The following MS4A14 variants were observed in gnomAD, a reference collection of about 807,000 sequenced individuals.
The protein encoded by MS4A14 is membrane spanning 4-domains A14, also known as membrane-spanning 4-domains subfamily A member 14.
In MS4A14, 18 loss-of-function variants were observed where a neutral mutation model predicts 16.7. That is an observed-to-expected ratio of 1.08 (90% CI 0.75 to 1.60). MS4A14 has a LOEUF of 1.60. Among genes scored for constraint, MS4A14 ranks in the 40% most tolerant of loss-of-function variants. The pLI is 0.00. For synonymous variants in MS4A14, 305 were observed against 289.4 expected, an observed-to-expected ratio of 1.05 and a Z score of -0.55; for missense variants, 812 against 775.3, an observed-to-expected ratio of 1.05 and a Z score of -0.56.
chr11:60,415,020 A>G (rs2085917842), intron 4 of MS4A14, among the ~76,000 whole-genome samples: 1 of 151,900 alleles, frequency 6.6e-6, no homozygotes, highest in African/African-American at 2.4e-5. Context: ...ATGTTGATGT[A>G]CAGATAGTTG....
At position 60,408,038 on chromosome 11, in the gene MS4A14, G is replaced by C. The variant is rs114003977; in HGVS notation, c.468+4977G>C. 5.3e-3 allele frequency among the ~76,000 whole-genome samples: 808 copies of C among 152,196 alleles called. 1 individual carries two copies. Among genetic ancestry groups the C allele is most frequent in the African/African-American group, 0.018 (765 of 41,538 alleles). On this transcript the variant is annotated intron_variant, in intron 4 of 4. Coordinates refer to ENST00000300187, the MANE Select transcript of MS4A14 (RefSeq NM_032597.5). Reference sequence around the variant, plus strand: ...TTTTAGCTTTTGTGTTTAGATGTATGGTCTATCTTAACTTTCATGTACAGT... The same window carrying C: ...TTTTAGCTTTTGTGTTTAGATGTATCGTCTATCTTAACTTTCATGTACAGT...
At position 60,405,867 on chromosome 11, in the gene MS4A14, T is replaced by C. The variant is rs1311241211; in HGVS notation, c.468+2806T>C. The C allele has an allele frequency of 2.7e-6, 4 of 1,478,958 alleles. No homozygotes were observed. The South Asian group carries it at 4.8e-5, about 18-fold the overall frequency. 91.6% of individuals were successfully genotyped at this position (1,478,958 alleles called of 1,614,324 possible). A position where few individuals can be genotyped will look rare whatever the true frequency, so the allele number is the denominator to read the frequency against. On this transcript the variant is annotated intron_variant, in intron 4 of 4. Coordinates refer to ENST00000300187, the MANE Select transcript of MS4A14 (RefSeq NM_032597.5). ...AACAGCTCTCATTTCAAATACCATT[T>C]ATTTCTCCTCATTATTTGCAGGGAA... is the stretch of plus-strand genomic sequence containing the variant.
intron 4 of MS4A14, among the ~76,000 whole-genome samples, chr11:60,404,231 T>C (rs2085755447): frequency 6.6e-6 from 1 of 152,246 alleles, no homozygotes; most frequent in Non-Finnish European, 1.5e-5. Flanking sequence ...ATTGCAAGAT[T>C]AGTTACCTGC....
At chr11:60,403,223 A>G in intron 4 of MS4A14, 162 bp downstream of exon 4, 1 of 723,430 alleles carries the variant, frequency 1.4e-6, no homozygotes, top group South Asian at 1.7e-5. Flanking sequence ...ATGGTTAAGG[A>G]GCGATATTTT....
intron 2 of MS4A14, 52 bp downstream of exon 2, chr11:60,398,032 G>T: frequency 6.3e-7 from 1 of 1,593,916 alleles, no homozygotes; most frequent in South Asian, 1.1e-5. Flanking sequence ...AGATAGATTT[G>T]AACTGCTTCA....
Position 60,396,728 on chromosome 11 carries a change from C to A in MS4A14, c.138+12C>A. The A allele has an allele frequency of 6.2e-7, 1 of 1,612,116 alleles. No homozygotes were observed. Among genetic ancestry groups the A allele is most frequent in the Non-Finnish European group, 8.5e-7 (1 of 1,179,146 alleles). ...CAAGAGTCTTGGGGGTAAGTCCTCT[C>A]CAGTCAATAGGTCTTCCAGAAGGGG... On this transcript the variant is annotated intron_variant, in intron 1 of 4. Transcript: ENST00000300187.
chr11:60,399,291 G>A (rs2085675679), intron 2 of MS4A14, among the ~76,000 whole-genome samples: 2 of 152,212 alleles, frequency 1.3e-5, no homozygotes, highest in Admixed American at 6.5e-5. Context: ...GGTCAGGCAA[G>A]TGCTTTCTGC....
rs73479182 is a variant in MS4A14, at chr11:60,399,047, C to T, written c.267+1067C>T. ...AAAGATATTTACTGAGCACATACCG[C>T]GTCTTCAATGGCATCCTAGGTGCTG... is the stretch of plus-strand genomic sequence containing the variant. On this transcript the variant is annotated intron_variant, in intron 2 of 4. Transcript: ENST00000300187. 2.7e-3 allele frequency among the ~76,000 whole-genome samples: 414 copies of T among 152,286 alleles called. 2 individuals carry two copies. The highest frequency in any genetic ancestry group is 9.4e-3 in the African/African-American group (392 of 41,552).
At position 60,417,685 on chromosome 11, in the gene MS4A14, C is replaced by T. The variant is rs1478437700; in HGVS notation, c.*677C>T. On this transcript the variant is annotated 3_prime_UTR_variant, in exon 5 of 5. Coordinates refer to ENST00000300187, the MANE Select transcript of MS4A14 (RefSeq NM_032597.5). ...TACTTAAAATAAAATGACAACAAAC[C>T]AAATGTTAACACTGTATCATCACTT... 6.6e-6 allele frequency: 1 copy of T among 151,876 alleles called. No individual in the cohort carries two copies. Among genetic ancestry groups the T allele is most frequent in the African/African-American group, 2.4e-5 (1 of 41,186 alleles). 9.4% of individuals were successfully genotyped at this position (151,876 alleles called of 1,614,324 possible).
intron 4 of MS4A14, among the ~76,000 whole-genome samples, chr11:60,414,309 A>C (rs988652049): frequency 6.6e-6 from 1 of 152,160 alleles, no homozygotes; most frequent in South Asian, 2.1e-4. Context: ...CAATAGGGAT[A>C]AAATATAGGT....
intron 3 of MS4A14, among the ~76,000 whole-genome samples, chr11:60,401,253 T>C (rs762333631): frequency 6.6e-6 from 1 of 152,226 alleles, no homozygotes; most frequent in Non-Finnish European, 1.5e-5. Flanking sequence ...TCTCTGAAAG[T>C]CAGTTGAACT....
rs567392774 is a variant in MS4A14 at position 60,396,954 on chromosome 11, C to T, written c.138+238C>T. Among the ~76,000 whole-genome samples, 10 of 152,284 alleles carry T rather than the reference C, an allele frequency of 6.6e-5. No homozygotes were observed. In the East Asian group the frequency reaches 1.9e-3, roughly 29 times the overall value. On this transcript the variant is annotated intron_variant, in intron 1 of 4. Coordinates refer to ENST00000300187, the MANE Select transcript of MS4A14 (RefSeq NM_032597.5). The stretch of plus-strand genomic sequence containing the variant: ...AGGAAGTGACTTCAGGGTGTGGTGG[C>T]ACCTCCCTTGAAGCTAAGAAACCAT...
intron 1 of MS4A14, 31 bp downstream of exon 1, chr11:60,396,747 G>A (rs756021858): frequency 1.4e-4 from 217 of 1,598,958 alleles, no homozygotes; most frequent in Non-Finnish European, 1.8e-4. Flanking sequence ...AGGTCTTCCA[G>A]AAGGGGAGAA....
At position 60,416,349 on chromosome 11, in the gene MS4A14, A is replaced by T; in HGVS notation, c.1381A>T (p.Arg461Ter). 2 of 1,613,988 alleles carry T rather than the reference A, an allele frequency of 1.2e-6. No homozygotes were observed. The highest frequency in any genetic ancestry group is 1.7e-6 in the Non-Finnish European group (2 of 1,179,910). Reference protein sequence around the residue: ...QILQMSYQDIRSEVMEETKEW... With the variant: ...QILQMSYQDI ...TTTACAAATGTCATATCAAGATATT[A>T]GATCAGAAGTTATGGAAGAGACCAA... The change falls in exon 5 of 5, where the codon AGA becomes TGA. Residue 461 changes from arginine to a stop codon, truncating the protein, a stop_gained. Coordinates refer to ENST00000300187, the MANE Select transcript of MS4A14 (RefSeq NM_032597.5). LOFTEE classifies it low-confidence loss of function (END_TRUNC).
chr11:60,417,294 A>C lies in MS4A14; in HGVS notation c.*286A>C, dbSNP rs2085962452. ...ATAGGGCAAACCTCAGGGGACCTGC[A>C]ATCAGAAGACGTGAAGGCAGATTTT... On this transcript the variant is annotated 3_prime_UTR_variant, in exon 5 of 5. Coordinates refer to ENST00000300187, the MANE Select transcript of MS4A14 (RefSeq NM_032597.5). 3.9e-6 allele frequency: 1 copy of C among 254,696 alleles called. No homozygotes were observed. Among genetic ancestry groups the C allele is most frequent in the Admixed American group, 5.0e-5 (1 of 20,168 alleles). The allele number at this position is 254,696 out of a possible 1,614,324, so 15.8% of individuals were successfully genotyped here.
Position 60,415,675 on chromosome 11 carries a change from G to A in MS4A14, c.707G>A (p.Ser236Asn), listed in dbSNP as rs760871964. ...TTTGTGCCAGATGAACAAAAGCAAA[G>A]TATCCTTCCATCTCCCAAATTTTCA... is the stretch of plus-strand genomic sequence containing the variant. ...REFVPDEQKQSILPSPKFSEE... is the reference protein window; with the variant it reads ...REFVPDEQKQNILPSPKFSEE... The change falls in exon 5 of 5, where the codon AGT (serine) becomes AAT (asparagine). Residue 236 changes from serine to asparagine, a missense_variant. By Grantham distance (46) the Ser-to-Asn change is conservative (BLOSUM62 1). Transcript: ENST00000300187. 6 of 1,613,906 alleles carry A rather than the reference G, an allele frequency of 3.7e-6. No homozygotes were observed. The highest frequency in any genetic ancestry group is 1.1e-5 in the South Asian group (1 of 91,076).
intron 4 of MS4A14, chr11:60,406,026 G>A (rs1189641342): frequency 3.2e-6 from 4 of 1,255,258 alleles, no homozygotes; most frequent in Non-Finnish European, 3.2e-6. Flanking sequence ...AAGAGAACAG[G>A]TTCCTGTTCC....
At chr11:60,403,483 A>G (rs1435546378) in intron 4 of MS4A14, among the ~76,000 whole-genome samples, 1 of 152,234 alleles carries the variant, frequency 6.6e-6, no homozygotes, top group African/African-American at 2.4e-5. Context: ...AAAATGATCT[A>G]AAAGTTTGCT....
intron 4 of MS4A14, among the ~76,000 whole-genome samples, chr11:60,408,319 T>G (rs1188247333): frequency 6.6e-6 from 1 of 152,218 alleles, no homozygotes; most frequent in Non-Finnish European, 1.5e-5. Flanking sequence ...GTGAAATATA[T>G]ATAACATAAT....
Sources: gnomAD v4.1 joint callset for allele counts (sites outside exome capture counted in the v4.1 genomes callset) on GRCh38, gnomAD v4.1.1 for gene constraint, MANE v1.5 for transcripts, NCBI Gene and HGNC (gene_info 2026-07-23, HGNC 2026-07-21) for gene names.